The following LIN9 variants were observed in gnomAD, a reference collection of about 807,000 sequenced individuals.
LIN9 encodes protein lin-9 homolog.
LIN9 carries 18 observed loss-of-function variants against 78.0 expected under a neutral mutation model. The observed-to-expected ratio is 0.23, with a 90% CI of 0.16 to 0.34. The LOEUF (loss-of-function observed/expected upper bound fraction) is 0.34. LIN9 is among the 10% of genes least tolerant of loss of function. LIN9 has a pLI of 1.00. For synonymous variants in LIN9, 192 were observed against 215.2 expected, an observed-to-expected ratio of 0.89 and a Z score of 0.94; for missense variants, 451 against 644.1, an observed-to-expected ratio of 0.70 and a Z score of 3.25.
intron 7 of LIN9, among the ~76,000 whole-genome samples, chr1:226,277,216 G>GAAAAAA (rs71168975): frequency 1.1e-5 from 1 of 91,458 alleles, no homozygotes; most frequent in African/African-American, 4.2e-5. Context: ...GTCTCAAAAA[G>GAAAAAA]AAAAAAAAAA....
rs554688520 is a variant in LIN9 at position 226,245,185 on chromosome 1, C to T, written c.1119+5654G>A. 1.1e-4 allele frequency among the ~76,000 whole-genome samples: 16 copies of T among 152,212 alleles called. No homozygotes were observed. In the East Asian group the frequency reaches 1.4e-3, roughly 13 times the overall value. On this transcript the variant is annotated intron_variant, in intron 11 of 14. Coordinates refer to ENST00000681046, the MANE Select transcript of LIN9 (RefSeq NM_001366245.2). ...TTTATTTGGTTATAATTTTATGTGA[C>T]GCCAGAGTCTTCAGAATGAAGAATA...
At chr1:226,302,126 G>C (rs1011374915) in intron 1 of LIN9, among the ~76,000 whole-genome samples, 2 of 152,152 alleles carry the variant, frequency 1.3e-5, no homozygotes, top group African/African-American at 4.8e-5. Context: ...GCAAAATCTA[G>C]ACTGAATCTA....
In LIN9 at chr1:226,265,588, G is replaced by A; in HGVS notation, c.983C>T (p.Ser328Phe). The change falls in exon 10 of 15, where the codon TCT (serine) becomes TTT (phenylalanine). Residue 328 changes from serine to phenylalanine, a missense_variant. Ser to Phe is a radical substitution (Grantham distance 155, BLOSUM62 -2). Transcript: ENST00000681046. The surrounding 1 kb of genome is among the most constrained non-coding windows in gnomAD (Gnocchi z 4.1). The stretch of plus-strand genomic sequence containing the variant: ...ACCTAATGTTTCAGTGTCAGAGCCA[G>A]AAATTTTACTTCTCCACGGCGACTG... The part of the protein sequence containing the change: ...LGQSPWRSKI[S>F]GSDTETLGGF... 1 of 1,612,270 alleles carries A rather than the reference G, an allele frequency of 6.2e-7. No individual in the cohort carries two copies. Among genetic ancestry groups the A allele is most frequent in the Non-Finnish European group, 8.5e-7 (1 of 1,178,484 alleles).
At chr1:226,295,182 G>A (rs1456958098) in intron 4 of LIN9, among the ~76,000 whole-genome samples, 2 of 151,980 alleles carry the variant, frequency 1.3e-5, no homozygotes, top group Admixed American at 6.6e-5. Context: ...GGGTGCAGTG[G>A]CTCACGACTG....
chr1:226,305,735 A>C (rs1662873682), intron 1 of LIN9, among the ~76,000 whole-genome samples: 2 of 152,122 alleles, frequency 1.3e-5, no homozygotes, highest in African/African-American at 4.8e-5. Context: ...GGATAGAATG[A>C]GGGGACAAGT....
In LIN9 at chr1:226,277,514, A is replaced by G. The variant is rs1660743872; in HGVS notation, c.682+261T>C. ...AGAATTTTGTCCCATGTGTACGTGT[A>G]AACACATTCTAGTGAAAAATCAAAG... is the stretch of plus-strand genomic sequence containing the variant. On this transcript the variant is annotated intron_variant, in intron 7 of 14. Coordinates refer to ENST00000681046, the MANE Select transcript of LIN9 (RefSeq NM_001366245.2). 2.6e-5 allele frequency among the ~76,000 whole-genome samples: 4 copies of G among 152,220 alleles called. 1 individual carries two copies. In the South Asian group the frequency reaches 8.3e-4, roughly 31 times the overall value.
chr1:226,290,533 G>T (rs1661702683), intron 4 of LIN9, among the ~76,000 whole-genome samples: 1 of 151,678 alleles, frequency 6.6e-6, no homozygotes. Context: ...GTAGAGACGG[G>T]GTTTCACCGT....
chr1:226,293,611 G>C (rs912001344), intron 4 of LIN9, among the ~76,000 whole-genome samples: 1 of 152,134 alleles, frequency 6.6e-6, no homozygotes, highest in Non-Finnish European at 1.5e-5. Flanking sequence ...ACAGACTCTT[G>C]TTCTGTCACC....
chr1:226,240,450 G>A (rs1236217468), intron 11 of LIN9, among the ~76,000 whole-genome samples: 2 of 148,712 alleles, frequency 1.3e-5, no homozygotes, highest in Non-Finnish European at 3.0e-5. Context: ...GTGCAATGAC[G>A]TGATCTCCGC....
At chr1:226,255,744 C>CT (rs371117360) in intron 10 of LIN9, among the ~76,000 whole-genome samples, 209 of 151,888 alleles carry the variant, frequency 1.4e-3, no homozygotes, top group African/African-American at 4.7e-3. Context: ...ATTTATTTTT[C>CT]TTTTTTTTCT....
rs1289652002 is a variant in LIN9, at chr1:226,231,714, GTGT to G, written c.*784_*786del. ...ATAAACAAAAAAATATGAAAATAGT[GTGT>G]TATCATTTTTTTTTTAATAAATCTC... On this transcript the variant is annotated 3_prime_UTR_variant, in exon 15 of 15. Coordinates refer to ENST00000681046, the MANE Select transcript of LIN9 (RefSeq NM_001366245.2). 6.5e-6 allele frequency: 1 copy of G among 153,954 alleles called. No individual in the cohort carries two copies. Among genetic ancestry groups the G allele is most frequent in the Non-Finnish European group, 1.4e-5 (1 of 69,300 alleles). 9.5% of individuals were successfully genotyped at this position (153,954 alleles called of 1,614,324 possible).
upstream of LIN9, chr1:226,309,262 T>C: frequency 5.0e-6 from 6 of 1,202,484 alleles, no homozygotes; most frequent in Non-Finnish European, 6.3e-6. Context: ...GCTGCGCTGC[T>C]CCCGCCGCGG....
At chr1:226,295,002 T>C (rs911095684) in intron 4 of LIN9, among the ~76,000 whole-genome samples, 4 of 152,004 alleles carry the variant, frequency 2.6e-5, no homozygotes, top group African/African-American at 9.7e-5. Context: ...GGTTTCGCCA[T>C]GTTGGCCAGG....
intron 8 of LIN9, 84 bp downstream of exon 8, chr1:226,267,873 A>G: frequency 2.3e-5 from 31 of 1,368,750 alleles, no homozygotes; most frequent in Non-Finnish European, 3.1e-5. Context: ...TCTTGATTCT[A>G]TCATAAAATA....
rs916815694 is a variant in LIN9 at position 226,264,786 on chromosome 1, T to C, written c.1038+747A>G. ...AAAGCTTGAATCCAGGAGGTAGAGG[T>C]TGCAGTGAGCCCAGACTGACCCACT... On this transcript the variant is annotated intron_variant, in intron 10 of 14. Coordinates refer to ENST00000681046, the MANE Select transcript of LIN9 (RefSeq NM_001366245.2). Among the ~76,000 whole-genome samples, 5 of 151,362 alleles carry C rather than the reference T, an allele frequency of 3.3e-5. No homozygotes were observed. In the East Asian group the frequency reaches 5.9e-4, roughly 18 times the overall value.
chr1:226,291,879 GT>G (rs1286489301), intron 4 of LIN9, among the ~76,000 whole-genome samples: 1 of 149,458 alleles, frequency 6.7e-6, no homozygotes, highest in Non-Finnish European at 1.5e-5. Flanking sequence ...AAATAACTTT[GT>G]TTTTCTTTGT....
chr1:226,286,174 A>G (rs1661369891), intron 6 of LIN9, among the ~76,000 whole-genome samples, 159 bp downstream of exon 6: 1 of 152,156 alleles, frequency 6.6e-6, no homozygotes. Context: ...GCTAGAGTGC[A>G]GTGACTATTC....
At chr1:226,283,278 ATTTT>A (rs71574569) in intron 6 of LIN9, among the ~76,000 whole-genome samples, 2 of 84,210 alleles carry the variant, frequency 2.4e-5, no homozygotes, top group African/African-American at 5.1e-5. Flanking sequence ...TAATTTTTGA[ATTTT>A]TTTTTTTTTT....
At chr1:226,280,945 T>C (rs1332339067) in intron 6 of LIN9, among the ~76,000 whole-genome samples, 3 of 152,160 alleles carry the variant, frequency 2.0e-5, no homozygotes, top group Admixed American at 6.5e-5. Context: ...GAAATCAGTA[T>C]ATCAAAGAGA....
Sources: gnomAD v4.1 joint callset for allele counts (sites outside exome capture counted in the v4.1 genomes callset) on GRCh38, gnomAD v4.1.1 for gene constraint, Gnocchi (gnomAD v3.1) non-coding constraint, MANE v1.5 for transcripts, NCBI Gene and HGNC (gene_info 2026-07-23, HGNC 2026-07-21) for gene names.